RASA1: variants seen among roughly 807,000 people sequenced by gnomAD.
The protein encoded by RASA1 is RAS p21 protein activator 1, also known as ras GTPase-activating protein 1.
Under a neutral mutation model 132.2 loss-of-function variants are expected in RASA1, and 25 were observed. That is an observed-to-expected ratio of 0.19 (90% CI 0.14 to 0.26). The LOEUF (loss-of-function observed/expected upper bound fraction) is 0.26. Ranked by LOEUF, RASA1 falls within the 10% of genes least tolerant of loss-of-function variation. The pLI is 1.00. For synonymous variants in RASA1, 477 were observed against 449.9 expected (o/e 1.06, Z -0.76); for missense variants, 964 against 1,299.2 (o/e 0.74, Z 3.97).
rs370404960 is a variant in RASA1 at position 87,296,813 on chromosome 5, A to T, written c.539+27823A>T. On this transcript the variant is annotated intron_variant, in intron 1 of 24. Coordinates refer to ENST00000274376, the MANE Select transcript of RASA1 (RefSeq NM_002890.3). ...TTTTAGGGGCCTCAGTCTTAATGTTATCTGAGTTTTATGGATCTGTGGTTT... is the reference window on the plus strand; with the variant it reads ...TTTTAGGGGCCTCAGTCTTAATGTTTTCTGAGTTTTATGGATCTGTGGTTT... Among the ~76,000 whole-genome samples, 65 of 152,218 alleles carry T rather than the reference A, an allele frequency of 4.3e-4. 1 individual carries two copies. The South Asian group carries it at 0.012, about 29-fold the overall frequency.
chr5:87,319,061 A>G (rs1381553297), intron 1 of RASA1, among the ~76,000 whole-genome samples: 2 of 152,354 alleles, frequency 1.3e-5, no homozygotes, highest in East Asian at 3.9e-4. Flanking sequence ...TCAAGCTCCC[A>G]TATCCTTTGA....
At chr5:87,352,443 C>T (rs1759342786) in intron 8 of RASA1, among the ~76,000 whole-genome samples, 1 of 151,486 alleles carries the variant, frequency 6.6e-6, no homozygotes, top group South Asian at 2.1e-4. Context: ...TCCAAGATTT[C>T]CATATTCAGG....
intron 1 of RASA1, among the ~76,000 whole-genome samples, chr5:87,302,557 AAC>A (rs1755413208): frequency 1.3e-5 from 2 of 151,300 alleles, no homozygotes; most frequent in South Asian, 4.2e-4. Context: ...GTCGAAGTGT[AAC>A]ACACATAAAG....
chr5:87,303,130 C>CT (rs1270516421), intron 1 of RASA1, among the ~76,000 whole-genome samples: 1 of 152,082 alleles, frequency 6.6e-6, no homozygotes, highest in African/African-American at 2.4e-5. Flanking sequence ...GTCTACTTGT[C>CT]TATCTTTACA....
At chr5:87,366,747 T>A (rs1365514736) in intron 11 of RASA1, among the ~76,000 whole-genome samples, 1 of 152,238 alleles carries the variant, frequency 6.6e-6, no homozygotes, top group Non-Finnish European at 1.5e-5. Context: ...ATTTTTCTTT[T>A]AAGACTGGGC....
At chr5:87,389,746 G>A (rs1214870042) in intron 24 of RASA1, among the ~76,000 whole-genome samples, 1 of 152,200 alleles carries the variant, frequency 6.6e-6, no homozygotes, top group East Asian at 1.9e-4. Flanking sequence ...TCTTGAGTCT[G>A]AATGTTAATT....
intron 5 of RASA1, among the ~76,000 whole-genome samples, chr5:87,340,643 T>A (rs1378770997): frequency 1.3e-5 from 2 of 152,134 alleles, no homozygotes; most frequent in Admixed American, 1.3e-4. Context: ...GGGGGATGTC[T>A]TTTATATTGA....
chr5:87,293,651 ATTCTT>A (rs1454667924), intron 1 of RASA1, among the ~76,000 whole-genome samples: 1 of 152,158 alleles, frequency 6.6e-6, no homozygotes, highest in Non-Finnish European at 1.5e-5. Context: ...GAGAATTGGT[ATTCTT>A]TTCTTTATAT....
intron 11 of RASA1, among the ~76,000 whole-genome samples, chr5:87,365,026 C>T (rs1170145815): frequency 6.6e-6 from 1 of 151,968 alleles, no homozygotes; most frequent in East Asian, 1.9e-4. Flanking sequence ...AGTTTATTAT[C>T]GTGAAAACAG....
At chr5:87,330,191 A>G (rs1336733276) in intron 1 of RASA1, among the ~76,000 whole-genome samples, 1 of 152,142 alleles carries the variant, frequency 6.6e-6, no homozygotes, top group Admixed American at 6.5e-5. Context: ...TTCTTTCCAT[A>G]AGTTTTAAGT....
Position 87,337,876 on chromosome 5 carries a change from A to G in RASA1, c.900-98A>G, listed in dbSNP as rs1049413519. ...TGACTCTAATTCCTTACATTTTTCA[A>G]TATAATACTATCCCTATCCTATTTT... On this transcript the variant is annotated intron_variant, in intron 4 of 24. Coordinates refer to ENST00000274376, the MANE Select transcript of RASA1 (RefSeq NM_002890.3). 7.0e-6 allele frequency: 9 copies of G among 1,283,406 alleles called. No individual in the cohort carries two copies. The Admixed American group carries it at 1.4e-4, about 20-fold the overall frequency. The allele number at this position is 1,283,406 out of a possible 1,614,324, so 79.5% of individuals were successfully genotyped here.
intron 4 of RASA1, among the ~76,000 whole-genome samples, chr5:87,335,404 A>G (rs1757890541): frequency 6.7e-6 from 1 of 149,420 alleles, no homozygotes. Context: ...ATAGGTGAAG[A>G]TAATAAAGAA....
At chr5:87,384,910 C>T (rs965550906) in intron 21 of RASA1, among the ~76,000 whole-genome samples, 1 of 152,046 alleles carries the variant, frequency 6.6e-6, no homozygotes. Context: ...GGGAATTGCT[C>T]AGATTGCTAA....
chr5:87,268,973 C>A lies in RASA1; in HGVS notation c.522C>A (p.Thr174=). The A allele has an allele frequency of 6.2e-7, 1 of 1,614,162 alleles. No homozygotes were observed. The highest frequency in any genetic ancestry group is 8.5e-7 in the Non-Finnish European group (1 of 1,180,032). Residue 174 remains threonine (T), a synonymous_variant, in exon 1 of 25, where the codon ACC becomes ACA. Transcript: ENST00000274376. Reference sequence around the variant, plus strand: ...AGGAAGAGGTGGCCATACCGTTGACCGCTCCTCCAACTAACCAGTAAGTTA... The same window carrying A: ...AGGAAGAGGTGGCCATACCGTTGACAGCTCCTCCAACTAACCAGTAAGTTA... The part of the protein sequence containing the change: ...YEEEEVAIPL[T]APPTNQWYHG...
At position 87,363,316 on chromosome 5, in the gene RASA1, G is replaced by C. The variant is rs774887464; in HGVS notation, c.1454-32G>C. 17 of 1,538,488 alleles carry C rather than the reference G, an allele frequency of 1.1e-5. 1 individual carries two copies. The highest frequency in any genetic ancestry group is 1.9e-4 in the Middle Eastern group (1 of 5,262). ...ATATGTAGGATTTCACAATTGTTTGGCTAAGAGAAAACAATTTTTTTTTTT... is the reference window on the plus strand; with the variant it reads ...ATATGTAGGATTTCACAATTGTTTGCCTAAGAGAAAACAATTTTTTTTTTT... On this transcript the variant is annotated intron_variant, in intron 10 of 24. Coordinates refer to ENST00000274376, the MANE Select transcript of RASA1 (RefSeq NM_002890.3).
intron 18 of RASA1, among the ~76,000 whole-genome samples, chr5:87,379,358 G>A (rs1761546385): frequency 6.6e-6 from 1 of 152,150 alleles, no homozygotes; most frequent in Non-Finnish European, 1.5e-5. Context: ...GCTGACACTA[G>A]ATCAGAAGGG....
chr5:87,314,786 A>G (rs1200227041), intron 1 of RASA1, among the ~76,000 whole-genome samples: 1 of 152,192 alleles, frequency 6.6e-6, no homozygotes, highest in Non-Finnish European at 1.5e-5. Flanking sequence ...AGATATCCAG[A>G]TTGAAAGATC....
In RASA1 at chr5:87,268,185, G is replaced by C; in HGVS notation, c.-267G>C. On this transcript the variant is annotated 5_prime_UTR_variant, in exon 1 of 25. Transcript: ENST00000274376. The stretch of plus-strand genomic sequence containing the variant: ...TGTACATGTGTTTGTGTGCGTGAGT[G>C]TGGGTGTGTGCGGTGAGGTTTGGGT... 2 of 547,254 alleles carry C rather than the reference G, an allele frequency of 3.7e-6. No individual in the cohort carries two copies. The highest frequency in any genetic ancestry group is 6.4e-6 in the Non-Finnish European group (2 of 312,472). The allele number at this position is 547,254 out of a possible 1,614,324, so 33.9% of individuals were successfully genotyped here. A position where few individuals can be genotyped will look rare whatever the true frequency, so the allele number is the denominator to read the frequency against.
chr5:87,386,522 G>A (rs1173728348), intron 22 of RASA1, among the ~76,000 whole-genome samples: 4 of 151,940 alleles, frequency 2.6e-5, no homozygotes, highest in African/African-American at 9.7e-5. Context: ...TATGTGTTAC[G>A]ATTTGTGCTT....
Sources: allele counts gnomAD v4.1 joint callset (sites outside exome capture counted in the v4.1 genomes callset), GRCh38; gene constraint gnomAD v4.1.1; transcripts MANE v1.5; gene names NCBI Gene and HGNC (gene_info 2026-07-23, HGNC 2026-07-21).